Variants in SH3PXD2B observed in about 807,000 individuals in gnomAD.
SH3PXD2B encodes SH3 and PX domains 2B.
A neutral mutation model predicts 73.1 loss-of-function variants in SH3PXD2B; 37 were observed. The observed-to-expected ratio is 0.51, with a 90% CI of 0.39 to 0.67. SH3PXD2B has a LOEUF of 0.67. Ranked by LOEUF, SH3PXD2B falls within the 30% of genes least tolerant of loss-of-function variation. The pLI is 0.00. For synonymous variants in SH3PXD2B, 457 were observed against 480.5 expected (o/e 0.95, Z 0.64); for missense variants, 1,053 against 1,197.8 (o/e 0.88, Z 1.78).
intron 4 of SH3PXD2B, among the ~76,000 whole-genome samples, chr5:172,391,237 A>G (rs4868164): frequency 0.38 from 57,457 of 151,936 alleles, 11,355 homozygotes; most frequent in East Asian, 0.66. Context: ...TAGTGGCTGT[A>G]TAAGTATCTC....
Position 172,337,558 on chromosome 5 carries a change from C to T in SH3PXD2B, c.*811G>A, listed in dbSNP as rs2113246575. On this transcript the variant is annotated 3_prime_UTR_variant, in exon 13 of 13. Coordinates refer to ENST00000311601, the MANE Select transcript of SH3PXD2B (RefSeq NM_001017995.3). ...TGAATGGGCCTCTTATTCAAACAAA[C>T]TTTGAGATTCTTGCTTTAGGTAGGC... is the stretch of plus-strand genomic sequence containing the variant. 2.0e-6 allele frequency: 2 copies of T among 985,588 alleles called. No homozygotes were observed. Among genetic ancestry groups the T allele is most frequent in the Non-Finnish European group, 1.2e-6 (1 of 830,024 alleles). The allele number at this position is 985,588 out of a possible 1,614,324, so 61.1% of individuals were successfully genotyped here.
intron 6 of SH3PXD2B, among the ~76,000 whole-genome samples, chr5:172,365,011 T>C (rs997453104): frequency 1.3e-5 from 2 of 152,188 alleles, no homozygotes; most frequent in African/African-American, 4.8e-5. Context: ...GCATTGTAGC[T>C]GGGTGAAGGG....
At chr5:172,329,083 A>ATATATTTTTTTTTTT (rs58472514), downstream of SH3PXD2B, among the ~76,000 whole-genome samples, 1 of 61,812 alleles carries the variant, frequency 1.6e-5, no homozygotes, top group Non-Finnish European at 2.7e-5. Context: ...ATATATATAT[A>ATATATTTTTTTTTTT]TTTTTTTTTT....
chr5:172,390,735 A>G (rs1758164965), intron 4 of SH3PXD2B, among the ~76,000 whole-genome samples: 2 of 152,126 alleles, frequency 1.3e-5, no homozygotes, highest in Non-Finnish European at 2.9e-5. Context: ...TCGCTTGAGT[A>G]TATACCTAAG....
intron 2 of SH3PXD2B, among the ~76,000 whole-genome samples, chr5:172,407,241 C>T (rs372671295): frequency 1.3e-5 from 2 of 152,344 alleles, no homozygotes; most frequent in African/African-American, 4.8e-5. Context: ...CTTCTGAGCA[C>T]ATGGTAGATT....
Position 172,338,918 on chromosome 5 carries a change from A to G in SH3PXD2B, c.2187T>C (p.Pro729=). ...GATCTGTGGTCTTGGCTGGCCTCGGAGGGGCTCTGCAGGAAATCTCTTTTG... is the reference window on the plus strand; with the variant it reads ...GATCTGTGGTCTTGGCTGGCCTCGGGGGGGCTCTGCAGGAAATCTCTTTTG... ...LSPKEISCRA[P]PRPAKTTDPV... The change falls in exon 13 of 13, where the codon CCT becomes CCC. Residue 729 remains proline (P), a synonymous_variant. Transcript: ENST00000311601. This position sits in a 1 kb window ranked among gnomAD's most constrained non-coding sequence, Gnocchi z 5.1. 6 of 1,614,018 alleles carry G rather than the reference A, an allele frequency of 3.7e-6. No homozygotes were observed. The highest frequency in any genetic ancestry group is 5.1e-6 in the Non-Finnish European group (6 of 1,179,906).
intron 3 of SH3PXD2B, among the ~76,000 whole-genome samples, chr5:172,401,896 G>A (rs1758428651): frequency 6.6e-6 from 1 of 152,102 alleles, no homozygotes. Flanking sequence ...TGTCGCCTCA[G>A]GACCCTGTGA....
intron 1 of SH3PXD2B, among the ~76,000 whole-genome samples, chr5:172,424,804 A>G (rs545312759): frequency 1.1e-3 from 171 of 152,344 alleles, no homozygotes; most frequent in African/African-American, 4.0e-3. Flanking sequence ...GGGGTCATCA[A>G]GCATACAGAG....
intron 1 of SH3PXD2B, among the ~76,000 whole-genome samples, chr5:172,444,047 C>T (rs1759606940): frequency 6.6e-6 from 1 of 152,160 alleles, no homozygotes; most frequent in Non-Finnish European, 1.5e-5. Flanking sequence ...AAGCTCCATG[C>T]CCCCTTCTCC....
chr5:172,429,946 G>A (rs923363945), intron 1 of SH3PXD2B, among the ~76,000 whole-genome samples: 2 of 152,150 alleles, frequency 1.3e-5, no homozygotes, highest in South Asian at 2.1e-4. Context: ...ACTGTTCTGC[G>A]AGGCTGTGGA....
At chr5:172,359,489 T>G (rs1441220750) in intron 7 of SH3PXD2B, among the ~76,000 whole-genome samples, 1 of 150,198 alleles carries the variant, frequency 6.7e-6, no homozygotes, top group African/African-American at 2.4e-5. Context: ...CACATTATCA[T>G]CCCAACTGCA....
At chr5:172,356,043 G>T (rs1235439506) in intron 8 of SH3PXD2B, among the ~76,000 whole-genome samples, 1 of 152,140 alleles carries the variant, frequency 6.6e-6, no homozygotes, top group African/African-American at 2.4e-5. Flanking sequence ...ACCACCTCCT[G>T]GAGGGAAGGA....
chr5:172,380,017 G>T (rs1384796743), intron 5 of SH3PXD2B, among the ~76,000 whole-genome samples: 5 of 152,094 alleles, frequency 3.3e-5, no homozygotes, highest in African/African-American at 9.7e-5. Context: ...TTATTATTCT[G>T]AACCTCAGCT....
At chr5:172,452,911 C>CTCTATA (rs1759830444) in intron 1 of SH3PXD2B, among the ~76,000 whole-genome samples, 1 of 152,104 alleles carries the variant, frequency 6.6e-6, no homozygotes, top group Non-Finnish European at 1.5e-5. Context: ...GGAAACTTCA[C>CTCTATA]TCTATATAAA....
chr5:172,362,623 T>C, intron 7 of SH3PXD2B, 112 bp downstream of exon 7: 2 of 1,491,976 alleles, frequency 1.3e-6, no homozygotes, highest in East Asian at 2.3e-5. Flanking sequence ...GCAGGATCTA[T>C]GGGAACTGGC....
At chr5:172,360,805 C>A (rs569785127) in intron 7 of SH3PXD2B, among the ~76,000 whole-genome samples, 2 of 152,096 alleles carry the variant, frequency 1.3e-5, no homozygotes, top group Non-Finnish European at 2.9e-5. Context: ...GCATGCCAGC[C>A]GGGGCAACAG....
Position 172,338,905 on chromosome 5 carries a change from T to C in SH3PXD2B, c.2200A>G (p.Lys734Glu). ...ISCRAPPRPAKTTDPVSKSVP... is the reference protein window; with the variant it reads ...ISCRAPPRPAETTDPVSKSVP... ...CTCTTAGACACAGGATCTGTGGTCT[T>C]GGCTGGCCTCGGAGGGGCTCTGCAG... Residue 734 changes from lysine (K) to glutamate (E), a missense_variant, in exon 13 of 13, where the codon AAG (lysine) becomes GAG (glutamate). Coordinates refer to ENST00000311601, the MANE Select transcript of SH3PXD2B (RefSeq NM_001017995.3). The surrounding 1 kb of genome is among the most constrained non-coding windows in gnomAD (Gnocchi z 5.1). 1.2e-6 allele frequency: 2 copies of C among 1,614,030 alleles called. No homozygotes were observed. Among genetic ancestry groups the C allele is most frequent in the Non-Finnish European group, 1.7e-6 (2 of 1,179,886 alleles).
At chr5:172,423,529 C>G (rs989083572) in intron 1 of SH3PXD2B, among the ~76,000 whole-genome samples, 3 of 130,574 alleles carry the variant, frequency 2.3e-5, no homozygotes, top group Admixed American at 7.9e-5. Context: ...TCAGCTCACC[C>G]ACTTGGATAC....
intron 2 of SH3PXD2B, 28 bp from the exon 3 acceptor site, chr5:172,406,380 A>G: frequency 6.2e-7 from 1 of 1,610,712 alleles, no homozygotes; most frequent in Non-Finnish European, 8.5e-7. Flanking sequence ...ACCAAAAACA[A>G]AAACCTTTCA....
Sources: allele counts gnomAD v4.1 joint callset (sites outside exome capture counted in the v4.1 genomes callset), GRCh38; gene constraint gnomAD v4.1.1; non-coding constraint Gnocchi (gnomAD v3.1); transcripts MANE v1.5; gene names NCBI Gene and HGNC (gene_info 2026-07-23, HGNC 2026-07-21).